Variants in C2orf49 observed in about 807,000 individuals in gnomAD.
The protein encoded by C2orf49 is tRNA splicing ligase complex subunit 2.
A neutral mutation model predicts 20.6 loss-of-function variants in C2orf49; 11 were observed. The observed-to-expected ratio is 0.53, with a 90% CI of 0.34 to 0.88. The LOEUF (loss-of-function observed/expected upper bound fraction) is 0.88. Ranked by LOEUF, C2orf49 falls within the 40% of genes least tolerant of loss-of-function variation. The pLI is 0.02. For synonymous variants in C2orf49, 134 were observed against 108.5 expected (o/e 1.24, Z -1.46); for missense variants, 289 against 274.2 (o/e 1.05, Z -0.38).
intron 3 of C2orf49, among the ~76,000 whole-genome samples, chr2:105,343,968 A>T (rs894506592): frequency 6.6e-6 from 1 of 152,076 alleles, no homozygotes; most frequent in African/African-American, 2.4e-5. Context: ...TTATCATCTA[A>T]TCATGTATCA....
At chr2:105,356,110 C>T in the C2orf49 span, among the ~76,000 whole-genome samples, 7 of 152,028 alleles carry the variant, frequency 4.6e-5, no homozygotes, top group African/African-American at 1.7e-4. Context: ...TAGACATCAG[C>T]CAGGTGTTGT....
At chr2:105,357,945 TAG>T in the C2orf49 span, 2 of 152,236 alleles carry the variant, frequency 1.3e-5, no homozygotes, top group African/African-American at 4.8e-5. Flanking sequence ...GTGTATGCCT[TAG>T]AGAATGCTTT....
chr2:105,363,413 A>G, the C2orf49 span: 1 of 1,613,416 alleles, frequency 6.2e-7, no homozygotes, highest in Non-Finnish European at 8.5e-7. Flanking sequence ...GGCGGTGCAC[A>G]CGAAGCACTC....
the C2orf49 span, chr2:105,363,349 G>C: frequency 6.2e-7 from 1 of 1,614,240 alleles, no homozygotes; most frequent in Non-Finnish European, 8.5e-7. Context: ...AGTTCAGGCA[G>C]TAGGCAAAGT....
chr2:105,377,297 T>C, the C2orf49 span, among the ~76,000 whole-genome samples: 1 of 152,292 alleles, frequency 6.6e-6, no homozygotes, highest in Admixed American at 6.5e-5. Context: ...AGAAGGTAAG[T>C]GTGATGTTCT....
chr2:105,367,685 C>T, the C2orf49 span: 1 of 1,614,202 alleles, frequency 6.2e-7, no homozygotes, highest in South Asian at 1.1e-5. Flanking sequence ...GCAGCGGTGG[C>T]AGATGAAGCA....
At chr2:105,379,855 G>A in the C2orf49 span, among the ~76,000 whole-genome samples, 27 of 152,296 alleles carry the variant, frequency 1.8e-4, no homozygotes, top group Middle Eastern at 6.8e-3. Context: ...CCTTGGCCAG[G>A]GCAATGCTGG....
At chr2:105,370,663 A>T in the C2orf49 span, among the ~76,000 whole-genome samples, 12 of 152,322 alleles carry the variant, frequency 7.9e-5, no homozygotes, top group Non-Finnish European at 1.3e-4. Context: ...CTGTAAACCC[A>T]TATTCATCTT....
downstream of C2orf49, among the ~76,000 whole-genome samples, chr2:105,351,240 C>T (rs1489871348): frequency 1.3e-5 from 2 of 149,866 alleles, no homozygotes; most frequent in African/African-American, 2.4e-5. Context: ...CTCATTTGGC[C>T]GACGTAGTGT....
At chr2:105,374,186 A>T in the C2orf49 span, 1 of 237,328 alleles carries the variant, frequency 4.2e-6, no homozygotes, top group Non-Finnish European at 8.4e-6. Flanking sequence ...GGGTGTCGGG[A>T]TGTTCACAGG....
intron 2 of C2orf49, among the ~76,000 whole-genome samples, chr2:105,340,516 G>C (rs11124028): frequency 6.6e-6 from 1 of 152,032 alleles, no homozygotes; most frequent in Non-Finnish European, 1.5e-5. Flanking sequence ...TTTGAAGATA[G>C]AGCCAATAGG....
the C2orf49 span, among the ~76,000 whole-genome samples, chr2:105,380,229 G>C: frequency 6.6e-6 from 1 of 152,160 alleles, no homozygotes; most frequent in Non-Finnish European, 1.5e-5. Context: ...AGAGCTTAGA[G>C]GTAGACTAGA....
chr2:105,366,648 G>T, the C2orf49 span, among the ~76,000 whole-genome samples: 1 of 152,256 alleles, frequency 6.6e-6, no homozygotes, highest in Non-Finnish European at 1.5e-5. Context: ...ACTGGGCAGA[G>T]AGATGGCTTC....
At chr2:105,383,396 A>C in the C2orf49 span, among the ~76,000 whole-genome samples, 82 of 152,316 alleles carry the variant, frequency 5.4e-4, no homozygotes, top group African/African-American at 1.9e-3. Flanking sequence ...AATAATCTTT[A>C]CCCTTTGAGA....
At chr2:105,355,030 T>A in the C2orf49 span, among the ~76,000 whole-genome samples, 3 of 152,200 alleles carry the variant, frequency 2.0e-5, no homozygotes, top group Non-Finnish European at 4.4e-5. Flanking sequence ...TGATGCTCTG[T>A]TGAAACTCAG....
chr2:105,384,275 A>T, the C2orf49 span, among the ~76,000 whole-genome samples: 69 of 152,256 alleles, frequency 4.5e-4, no homozygotes, highest in African/African-American at 1.6e-3. Context: ...TCTTCCTCAA[A>T]CTGGACATTT....
chr2:105,357,221 C>A, the C2orf49 span, among the ~76,000 whole-genome samples: 4 of 152,248 alleles, frequency 2.6e-5, no homozygotes, highest in East Asian at 5.8e-4. Flanking sequence ...TCTCACATTT[C>A]TCTGAGGCTC....
At position 105,342,992 on chromosome 2, in the gene C2orf49, T is replaced by C; in HGVS notation, c.411T>C (p.Asn137=). The change falls in exon 3 of 4, where the codon AAT becomes AAC. Residue 137 remains asparagine (N), a synonymous_variant. Coordinates refer to ENST00000258457, the MANE Select transcript of C2orf49 (RefSeq NM_024093.3). ...KPPPQASFTS[N]AFRKLSNSSS... is the part of the protein sequence containing the mutation. ...CCCCGCAGGCAAGCTTTACCAGTAA[T>C]GCCTTTAGAAAATTATCAAATTCCT... 6.2e-7 allele frequency: 1 copy of C among 1,614,242 alleles called. No individual in the cohort carries two copies. The highest frequency in any genetic ancestry group is 1.1e-5 in the South Asian group (1 of 91,088).
chr2:105,350,392 T>C (rs1298395635), downstream of C2orf49, among the ~76,000 whole-genome samples: 18 of 152,236 alleles, frequency 1.2e-4, no homozygotes, highest in East Asian at 3.5e-3. Context: ...CCAGATGATG[T>C]ATGAATGTAG....
Sources: gnomAD v4.1 joint callset for allele counts (sites outside exome capture counted in the v4.1 genomes callset) on GRCh38, gnomAD v4.1.1 for gene constraint, MANE v1.5 for transcripts, NCBI Gene and HGNC (gene_info 2026-07-23, HGNC 2026-07-21) for gene names.